Variants in EGF observed in about 807,000 individuals in gnomAD.
The protein encoded by EGF is pro-epidermal growth factor.
In EGF, 95 loss-of-function variants were observed where a neutral mutation model predicts 143.8. The observed-to-expected ratio is 0.66, with a 90% CI of 0.56 to 0.78. The LOEUF is 0.78. Among genes scored for constraint, EGF ranks in the 30% least tolerant of loss-of-function variants. The pLI, the probability that EGF is intolerant of heterozygous loss-of-function variation, is 0.00. For missense variants in EGF, 1,320 were observed against 1,470.9 expected (o/e 0.90, Z 1.68); for synonymous variants, 510 against 510.5 (o/e 1.00, Z 0.01).
At chr4:109,969,669 G>C (rs1747259216) in intron 11 of EGF, among the ~76,000 whole-genome samples, 1 of 152,088 alleles carries the variant, frequency 6.6e-6, no homozygotes, top group African/African-American at 2.4e-5. Context: ...CTCAAAACCT[G>C]TCTGAATATA....
At position 109,980,076 on chromosome 4, in the gene EGF, C is replaced by T. The variant is rs753681170; in HGVS notation, c.2158C>T (p.Arg720Cys). ...VNKRTGKDRV[R>C]LQGSMLKPSS... ...CAAGAGGACTGGCAAAGATAGAGTA[C>T]GTCTCCAAGGCAGCATGCTGAAGCC... The change falls in exon 14 of 24, where the codon CGT becomes TGT. Residue 720 changes from arginine to cysteine, a missense_variant. This residue lies in a region of EGF where 1,186 missense variants were observed against 1,313.7 expected (regional missense o/e 0.90). Transcript: ENST00000265171. The T allele has an allele frequency of 1.1e-5, 18 of 1,613,772 alleles. No homozygotes were observed. The highest frequency in any genetic ancestry group is 5.5e-5 in the South Asian group (5 of 91,054).
intron 1 of EGF, among the ~76,000 whole-genome samples, chr4:109,924,632 A>G (rs1379293958): frequency 1.3e-5 from 2 of 152,184 alleles, no homozygotes; most frequent in African/African-American, 4.8e-5. Context: ...GTTTTATCAA[A>G]ACTAACCCTT....
rs1309168296 is a variant in EGF at position 109,976,215 on chromosome 4, G to T, written c.2033G>T (p.Arg678Ile). ...AATCTGGATGGTTCAAAACGCCGAA[G>T]ACTTACCCAGAATGATGTAGGTGAG... ...MANLDGSKRR[R>I]LTQNDVGHPF... is the part of the protein sequence containing the mutation. Residue 678 changes from arginine (R) to isoleucine (I), a missense_variant, in exon 13 of 24, where the codon AGA becomes ATA. This residue lies in a region of EGF where 1,186 missense variants were observed against 1,313.7 expected (regional missense o/e 0.90). Transcript: ENST00000265171. The T allele has an allele frequency of 6.2e-7, 1 of 1,613,974 alleles. No homozygotes were observed. The highest frequency in any genetic ancestry group is 1.7e-5 in the Admixed American group (1 of 59,980).
intron 9 of EGF, among the ~76,000 whole-genome samples, chr4:109,963,985 C>T (rs1746132763): frequency 6.6e-6 from 1 of 152,122 alleles, no homozygotes; most frequent in Non-Finnish European, 1.5e-5. Context: ...AATCATTGTG[C>T]CTCCCTTTAA....
At chr4:110,004,760 A>G (rs1753036102) in intron 22 of EGF, 138 bp downstream of exon 22, 1 of 349,626 alleles carries the variant, frequency 2.9e-6, no homozygotes, top group Admixed American at 3.1e-5. Flanking sequence ...CCAAGACCAC[A>G]TCAGCTAGGG....
intron 1 of EGF, among the ~76,000 whole-genome samples, 162 bp downstream of exon 1, chr4:109,913,624 A>T (rs1359655225): frequency 6.6e-6 from 1 of 152,218 alleles, no homozygotes; most frequent in Non-Finnish European, 1.5e-5. Flanking sequence ...CTTACTGGCC[A>T]TTAGAGCTAA....
intron 5 of EGF, among the ~76,000 whole-genome samples, chr4:109,953,995 A>G (rs1744366035): frequency 6.6e-6 from 1 of 152,260 alleles, no homozygotes. Context: ...TGAGGATACA[A>G]TAAGAAAAGA....
intron 1 of EGF, among the ~76,000 whole-genome samples, chr4:109,924,392 C>G (rs1317043498): frequency 6.6e-6 from 1 of 151,666 alleles, no homozygotes; most frequent in Non-Finnish European, 1.5e-5. Flanking sequence ...ATCTAGTTCT[C>G]TATGTTGAAA....
chr4:109,992,496 T>G (rs1378759398), intron 18 of EGF: 3 of 152,188 alleles, frequency 2.0e-5, no homozygotes, highest in Non-Finnish European at 4.4e-5. Flanking sequence ...ACACTGTTGG[T>G]GGGACTGTAA....
chr4:109,992,170 T>TA (rs58841408), intron 18 of EGF, among the ~76,000 whole-genome samples: 3,783 of 65,148 alleles, frequency 0.058, 256 homozygotes, highest in Non-Finnish European at 0.07. Flanking sequence ...CAAGATTCTT[T>TA]AAAAAAAAAA....
At chr4:109,972,611 A>G (rs1747840701) in intron 11 of EGF, among the ~76,000 whole-genome samples, 1 of 152,226 alleles carries the variant, frequency 6.6e-6, no homozygotes, top group Non-Finnish European at 1.5e-5. Context: ...TCCACCCAGC[A>G]GTATCCTTCT....
rs988645236 is a variant in EGF, at chr4:109,999,795, T to C, written c.3122T>C (p.Val1041Ala). Residue 1041 changes from valine (V) to alanine (A), a missense_variant, in exon 21 of 24, where the codon GTG (valine) becomes GCG (alanine). Val to Ala is a moderately conservative substitution (Grantham distance 64). This residue lies in a region of EGF where 1,186 missense variants were observed against 1,313.7 expected (regional missense o/e 0.90). Coordinates refer to ENST00000265171, the MANE Select transcript of EGF (RefSeq NM_001963.6). ...GTCATCGTGGTGGCTGTCTGCGTGG[T>C]GGTGCTTGTCATGCTGCTCCTCCTG... The part of the protein sequence containing the change: ...QKVIVVAVCV[V>A]VLVMLLLLSL... 13 of 1,613,946 alleles carry C rather than the reference T, an allele frequency of 8.1e-6. No individual in the cohort carries two copies. Among genetic ancestry groups the C allele is most frequent in the Non-Finnish European group, 1.1e-5 (13 of 1,180,008 alleles).
rs370983188 is a variant in EGF at position 109,995,032 on chromosome 4, A to G, written c.3005+152A>G. The G allele has an allele frequency of 6.9e-5, 59 of 857,020 alleles. No individual in the cohort carries two copies. The East Asian group carries it at 1.2e-3, about 17-fold the overall frequency. The allele number at this position is 857,020 out of a possible 1,614,324, so 53.1% of individuals were successfully genotyped here. ...ATACACATATGAACCACGTGTGTGC[A>G]CTTCATTGCATGCTCCTTGTGTATC... On this transcript the variant is annotated intron_variant, in intron 20 of 23. Transcript: ENST00000265171.
At chr4:109,955,752 G>T (rs1039819870) in intron 5 of EGF, among the ~76,000 whole-genome samples, 2 of 152,182 alleles carry the variant, frequency 1.3e-5, no homozygotes, top group Admixed American at 6.5e-5. Context: ...TTTTTTTGTG[G>T]ATGTATTAGA....
At chr4:109,956,672 A>C (rs933186343) in intron 5 of EGF, among the ~76,000 whole-genome samples, 3 of 152,222 alleles carry the variant, frequency 2.0e-5, no homozygotes, top group African/African-American at 7.2e-5. Flanking sequence ...ATACATGTAT[A>C]ATTGGCATAA....
At chr4:109,956,077 T>C (rs1259946077) in intron 5 of EGF, among the ~76,000 whole-genome samples, 2 of 152,228 alleles carry the variant, frequency 1.3e-5, no homozygotes, top group African/African-American at 4.8e-5. Context: ...TAAGCAGTAA[T>C]TAAGGTTTGA....
intron 20 of EGF, among the ~76,000 whole-genome samples, chr4:109,998,128 A>G (rs1194937186): frequency 6.6e-6 from 1 of 152,228 alleles, no homozygotes; most frequent in Non-Finnish European, 1.5e-5. Flanking sequence ...CTCTTGGCTA[A>G]GGGACTGACA....
At chr4:109,968,707 T>TACCTACCTAC (rs1578292119) in intron 10 of EGF, 91 of 351,280 alleles carry the variant, frequency 2.6e-4, no homozygotes, top group South Asian at 1.9e-3. Flanking sequence ...TATCTATCTA[T>TACCTACCTAC]CTACCTACCT....
At chr4:109,983,826 A>T (rs1403814256) in intron 16 of EGF, among the ~76,000 whole-genome samples, 1 of 152,244 alleles carries the variant, frequency 6.6e-6, no homozygotes, top group African/African-American at 2.4e-5. Flanking sequence ...ACAGGACAAC[A>T]TATTTGAATG....
Sources: gnomAD v4.1 joint callset for allele counts (sites outside exome capture counted in the v4.1 genomes callset) on GRCh38, gnomAD v4.1.1 for gene constraint, gnomAD v4.1.1 regional missense constraint, MANE v1.5 for transcripts, NCBI Gene and HGNC (gene_info 2026-07-23, HGNC 2026-07-21) for gene names.